ARL15: variants seen among roughly 807,000 people sequenced by gnomAD.
ARL15 encodes ARF like GTPase 15, also known as ADP-ribosylation factor-like protein 15.
In ARL15, 19 loss-of-function variants were observed where a neutral mutation model predicts 25.2. The observed-to-expected ratio is 0.75, with a 90% CI of 0.53 to 1.10. The LOEUF (loss-of-function observed/expected upper bound fraction) is 1.10. Among genes scored for constraint, ARL15 ranks in the 50% least tolerant of loss-of-function variants. The pLI is 0.00. For missense variants in ARL15, 220 were observed against 246.0 expected (o/e 0.89, Z 0.71); for synonymous variants, 94 against 86.8 (o/e 1.08, Z -0.46).
chr5:54,255,004 C>T (rs962178057), intron 1 of ARL15, among the ~76,000 whole-genome samples: 7 of 152,280 alleles, frequency 4.6e-5, no homozygotes, highest in Non-Finnish European at 7.4e-5. Flanking sequence ...TTTTCTATCA[C>T]GCCTGTTTAG....
At chr5:54,113,124 T>G in intron 4 of ARL15, 78 bp downstream of exon 4, 1 of 1,385,484 alleles carries the variant, frequency 7.2e-7, no homozygotes, top group Non-Finnish European at 9.9e-7. Flanking sequence ...CCTAATTACA[T>G]GCATTTTTCC....
intron 4 of ARL15, among the ~76,000 whole-genome samples, chr5:53,931,973 T>A (rs898324852): frequency 1.3e-5 from 2 of 152,250 alleles, no homozygotes; most frequent in African/African-American, 4.8e-5. Context: ...AGGCCAGGCC[T>A]ACCCTAAATC....
chr5:54,029,446 C>T (rs1420994143), intron 4 of ARL15, among the ~76,000 whole-genome samples: 1 of 147,858 alleles, frequency 6.8e-6, no homozygotes, highest in Admixed American at 6.9e-5. Context: ...TCTCAATTTG[C>T]AAGTATTAAA....
chr5:53,974,468 G>T (rs767801141), intron 4 of ARL15, among the ~76,000 whole-genome samples: 14 of 152,178 alleles, frequency 9.2e-5, no homozygotes, highest in Non-Finnish European at 1.2e-4. Context: ...AAAGCAAACA[G>T]AAGTTTCTCT....
At chr5:54,137,850 C>T (rs968779190) in intron 3 of ARL15, among the ~76,000 whole-genome samples, 1 of 150,684 alleles carries the variant, frequency 6.6e-6, no homozygotes, top group Non-Finnish European at 1.5e-5. Context: ...AGCTTTGAAT[C>T]CCGTAACATG....
intron 4 of ARL15, among the ~76,000 whole-genome samples, chr5:53,918,063 T>A (rs1157880847): frequency 6.6e-6 from 1 of 152,186 alleles, no homozygotes; most frequent in Non-Finnish European, 1.5e-5. Context: ...AGGCTTCAGT[T>A]TGTACCACAG....
chr5:54,230,346 G>GAAAAAAAAAAAAAAAAAAAAAAAAAA (rs137882615), intron 1 of ARL15, among the ~76,000 whole-genome samples: 2 of 91,850 alleles, frequency 2.2e-5, no homozygotes, highest in Non-Finnish European at 4.2e-5. Flanking sequence ...TTCCATCTCA[G>GAAAAAAAAAAAAAAAAAAAAAAAAAA]AAAAAAAAAA....
chr5:54,088,633 C>A (rs1752047093), intron 4 of ARL15, among the ~76,000 whole-genome samples: 1 of 152,170 alleles, frequency 6.6e-6, no homozygotes, highest in Non-Finnish European at 1.5e-5. Flanking sequence ...CAACACTAGG[C>A]AGCACAGCCC....
chr5:54,187,206 G>T (rs151123555), intron 1 of ARL15, among the ~76,000 whole-genome samples: 48 of 152,252 alleles, frequency 3.2e-4, no homozygotes, highest in African/African-American at 1.1e-3. Context: ...ACATCAGAAG[G>T]CTCCAACCCC....
intron 1 of ARL15, among the ~76,000 whole-genome samples, chr5:54,305,015 C>T (rs1156864326): frequency 1.3e-5 from 2 of 152,074 alleles, no homozygotes; most frequent in Non-Finnish European, 2.9e-5. Context: ...GGTTAGTTAG[C>T]TGGTTTTTAT....
At chr5:54,281,241 GC>G (rs1758057666) in intron 1 of ARL15, among the ~76,000 whole-genome samples, 1 of 152,100 alleles carries the variant, frequency 6.6e-6, no homozygotes, top group Non-Finnish European at 1.5e-5. Flanking sequence ...CTGGGTTCAA[GC>G]GATTCTCCTG....
Position 53,997,719 on chromosome 5 carries a change from T to C in ARL15, c.463-111006A>G, listed in dbSNP as rs990770368. On this transcript the variant is annotated intron_variant, in intron 4 of 4. Transcript: ENST00000504924. ...AGAATTTATGGTCCTCACCTCCAAT[T>C]TAGCCAGAACAATTCCACTTTAATC... Among the ~76,000 whole-genome samples, 38 of 152,084 alleles carry C rather than the reference T, an allele frequency of 2.5e-4. 1 individual carries two copies. The highest frequency in any genetic ancestry group is 8.7e-4 in the African/African-American group (36 of 41,420).
chr5:54,258,584 T>C (rs1757424677), intron 1 of ARL15, among the ~76,000 whole-genome samples: 1 of 152,158 alleles, frequency 6.6e-6, no homozygotes, highest in Admixed American at 6.5e-5. Context: ...ATAATTCCCA[T>C]ACTGTCCCTA....
Position 54,052,737 on chromosome 5 carries a change from G to GCA in ARL15, c.462+60463_462+60464dup, listed in dbSNP as rs370469983. On this transcript the variant is annotated intron_variant, in intron 4 of 4. Coordinates refer to ENST00000504924, the MANE Select transcript of ARL15 (RefSeq NM_019087.3). Reference sequence around the variant, plus strand: ...TTTTTATATGTATATACATGGGCCAGCACACACACACACACATGCACACGT... The same window carrying GCA: ...TTTTTATATGTATATACATGGGCCAGCACACACACACACACACATGCACACGT... 3.6e-3 allele frequency among the ~76,000 whole-genome samples: 542 copies of GCA among 151,216 alleles called. 3 individuals are homozygous for GCA. The highest frequency in any genetic ancestry group is 0.012 in the African/African-American group (502 of 41,286).
At chr5:54,168,747 C>G (rs558931395) in intron 2 of ARL15, among the ~76,000 whole-genome samples, 16 of 152,256 alleles carry the variant, frequency 1.1e-4, no homozygotes, top group African/African-American at 3.6e-4. Flanking sequence ...ATATGAGACC[C>G]TACTCAAATG....
At chr5:54,227,113 T>C (rs62372196) in intron 1 of ARL15, among the ~76,000 whole-genome samples, 19,984 of 152,214 alleles carry the variant, frequency 0.13, 1,634 homozygotes, top group East Asian at 0.36. Context: ...AGGTATATCT[T>C]TATTAGTAGC....
At chr5:53,953,625 G>C (rs1378678758) in intron 4 of ARL15, among the ~76,000 whole-genome samples, 1 of 152,144 alleles carries the variant, frequency 6.6e-6, no homozygotes. Flanking sequence ...AGAGGGTGGA[G>C]GGCAAAGGTG....
chr5:54,303,596 G>A (rs889679912), intron 1 of ARL15, among the ~76,000 whole-genome samples: 2 of 147,036 alleles, frequency 1.4e-5, no homozygotes, highest in East Asian at 2.0e-4. Context: ...GACACTAGGG[G>A]ACTGAGTAAG....
intron 1 of ARL15, among the ~76,000 whole-genome samples, chr5:54,216,815 T>C (rs1012084679): frequency 2.6e-5 from 4 of 152,168 alleles, no homozygotes; most frequent in Admixed American, 6.5e-5. Flanking sequence ...GTTAAGAGAA[T>C]GTATATACCT....
Sources: allele counts gnomAD v4.1 joint callset (sites outside exome capture counted in the v4.1 genomes callset), GRCh38; gene constraint gnomAD v4.1.1; transcripts MANE v1.5; gene names NCBI Gene and HGNC (gene_info 2026-07-23, HGNC 2026-07-21).